The following SCARA5 variants were observed in gnomAD, a reference collection of about 807,000 sequenced individuals.
The protein encoded by SCARA5 is scavenger receptor class A member 5.
Under a neutral mutation model 46.3 loss-of-function variants are expected in SCARA5, and 45 were observed. The observed-to-expected ratio is 0.97, with a 90% confidence interval of 0.76 to 1.24. The LOEUF is 1.24. Ranked by LOEUF, SCARA5 falls within the 50% of genes most tolerant of loss-of-function variation. The probability of loss-of-function intolerance (pLI) is 0.00; values close to 1 mark genes in which losing one functional copy is unlikely to be tolerated. For missense variants in SCARA5, 680 were observed against 689.0 expected (o/e 0.99, Z 0.15); for synonymous variants, 333 against 306.5 (o/e 1.09, Z -0.90).
intron 7 of SCARA5, among the ~76,000 whole-genome samples, chr8:27,897,973 C>T (rs1045950222): frequency 6.6e-6 from 1 of 152,266 alleles, no homozygotes; most frequent in African/African-American, 2.4e-5. Flanking sequence ...CTTCATTTCT[C>T]CTTGCCTAAG....
At chr8:27,898,101 C>T (rs1174109174) in intron 7 of SCARA5, among the ~76,000 whole-genome samples, 1 of 152,246 alleles carries the variant, frequency 6.6e-6, no homozygotes, top group Non-Finnish European at 1.5e-5. Context: ...GTCCCTGACT[C>T]GCAGGCGCCT....
intron 3 of SCARA5, among the ~76,000 whole-genome samples, chr8:27,955,152 A>G (rs114542777): frequency 6.6e-6 from 1 of 152,190 alleles, no homozygotes; most frequent in African/African-American, 2.4e-5. Context: ...CCCTCTAGAG[A>G]TGGGGATCCC....
chr8:27,966,274 A>G lies in SCARA5; in HGVS notation c.241+140T>C, dbSNP rs143696101. The G allele has an allele frequency of 6.6e-4, 567 of 858,720 alleles. 1 individual carries two copies. The highest frequency in any genetic ancestry group is 6.5e-3 in the African/African-American group (378 of 58,386). The allele number at this position is 858,720 out of a possible 1,614,324, so 53.2% of individuals were successfully genotyped here. A position where few individuals can be genotyped will look rare whatever the true frequency, so the allele number is the denominator to read the frequency against. On this transcript the variant is annotated intron_variant, in intron 3 of 8. Coordinates refer to ENST00000354914, the MANE Select transcript of SCARA5 (RefSeq NM_173833.6). Reference sequence around the variant, plus strand: ...CACGCAAAACAAGCAATACTACTGAAGAGCTTCTTCCTTCTTCCTCTATGG... The same window carrying G: ...CACGCAAAACAAGCAATACTACTGAGGAGCTTCTTCCTTCTTCCTCTATGG...
chr8:27,933,933 G>GT (rs1219217879), intron 3 of SCARA5, among the ~76,000 whole-genome samples: 1 of 152,190 alleles, frequency 6.6e-6, no homozygotes, highest in Non-Finnish European at 1.5e-5. Context: ...TAAGAATTGG[G>GT]TATGCATACG....
At chr8:27,880,392 GAAA>G (rs34715999) in intron 7 of SCARA5, among the ~76,000 whole-genome samples, 1 of 138,666 alleles carries the variant, frequency 7.2e-6, no homozygotes, top group Non-Finnish European at 1.6e-5. Flanking sequence ...TTCTGTACAG[GAAA>G]AAAAAAAAAA....
At chr8:27,954,691 C>T (rs918384389) in intron 3 of SCARA5, among the ~76,000 whole-genome samples, 4 of 152,124 alleles carry the variant, frequency 2.6e-5, no homozygotes, top group Non-Finnish European at 4.4e-5. Flanking sequence ...GTACTCATTT[C>T]CTGGAGACAA....
At chr8:27,935,648 T>C (rs1401646558) in intron 3 of SCARA5, among the ~76,000 whole-genome samples, 3 of 152,024 alleles carry the variant, frequency 2.0e-5, no homozygotes, top group Non-Finnish European at 4.4e-5. Context: ...GGGCTCAGGA[T>C]CTCAGCACTG....
Position 27,922,013 on chromosome 8 carries a change from C to T in SCARA5, c.474G>A (p.Ala158=), listed in dbSNP as rs763525437. ...CCGCCTGCTCGGTCTGCACCGCCTG[C>T]GCCTGCAGCCCCCACAGCGCGCCCT... ...RLEGALWGLQ[A]QAVQTEQAVA... Residue 158 remains alanine (A), a synonymous_variant, in exon 4 of 9, where the codon GCG becomes GCA. Transcript: ENST00000354914. The T allele has an allele frequency of 8.3e-6, 13 of 1,567,708 alleles. No homozygotes were observed. The highest frequency in any genetic ancestry group is 9.4e-6 in the Non-Finnish European group (11 of 1,164,280).
At chr8:27,971,484 A>C (rs1421434929) in intron 2 of SCARA5, among the ~76,000 whole-genome samples, 4 of 152,226 alleles carry the variant, frequency 2.6e-5, no homozygotes, top group Admixed American at 6.5e-5. Flanking sequence ...GAAGTACCAG[A>C]CAAAGCTGTT....
At chr8:27,926,488 C>A (rs1585494250) in intron 3 of SCARA5, among the ~76,000 whole-genome samples, 1 of 152,204 alleles carries the variant, frequency 6.6e-6, no homozygotes, top group East Asian at 1.9e-4. Context: ...AGGAGATATA[C>A]CTAATGTAAA....
At chr8:27,899,954 A>G (rs1436494796) in intron 7 of SCARA5, among the ~76,000 whole-genome samples, 1 of 152,142 alleles carries the variant, frequency 6.6e-6, no homozygotes, top group Non-Finnish European at 1.5e-5. Context: ...CTTGGCCAAC[A>G]TGGTAAAAAC....
At chr8:27,909,835 G>T in intron 4 of SCARA5, 92 bp from the exon 5 acceptor site, 2 of 777,516 alleles carry the variant, frequency 2.6e-6, no homozygotes, top group Non-Finnish European at 4.2e-6. Context: ...CCTCTCTGAG[G>T]AGAGGAAGGG....
chr8:27,923,616 G>A (rs988724626), intron 3 of SCARA5, among the ~76,000 whole-genome samples: 1 of 151,984 alleles, frequency 6.6e-6, no homozygotes, highest in African/African-American at 2.4e-5. Flanking sequence ...TGTTGCTGTC[G>A]CCAGGTTGGA....
intron 3 of SCARA5, among the ~76,000 whole-genome samples, chr8:27,949,783 C>T (rs900203303): frequency 6.6e-6 from 1 of 152,248 alleles, no homozygotes; most frequent in Non-Finnish European, 1.5e-5. Context: ...TCCTCCCCTA[C>T]AGCCTGCCCG....
At chr8:27,943,275 C>T (rs912679793) in intron 3 of SCARA5, among the ~76,000 whole-genome samples, 1 of 152,150 alleles carries the variant, frequency 6.6e-6, no homozygotes, top group Non-Finnish European at 1.5e-5. Flanking sequence ...ACTAAAAATA[C>T]AAAAAGCTTG....
intron 1 of SCARA5, among the ~76,000 whole-genome samples, chr8:27,988,016 A>G (rs1808730769): frequency 6.6e-6 from 1 of 152,150 alleles, no homozygotes; most frequent in Admixed American, 6.5e-5. Context: ...GCAGGCTCTG[A>G]GCCCTCAGAA....
chr8:27,916,794 G>A (rs560207845), intron 4 of SCARA5, among the ~76,000 whole-genome samples: 2 of 152,316 alleles, frequency 1.3e-5, no homozygotes, highest in East Asian at 1.9e-4. Context: ...CCCAAGCACT[G>A]TCGAACTGTG....
chr8:27,884,529 A>G (rs1291746822), intron 7 of SCARA5, among the ~76,000 whole-genome samples: 3 of 152,248 alleles, frequency 2.0e-5, no homozygotes, highest in East Asian at 3.8e-4. Context: ...GTGTGGGGTC[A>G]GCAAGTAGGG....
chr8:27,905,089 C>T (rs889745956), intron 6 of SCARA5, among the ~76,000 whole-genome samples: 4 of 151,890 alleles, frequency 2.6e-5, no homozygotes, highest in Non-Finnish European at 5.9e-5. Context: ...TGGAATTTTG[C>T]AGGAAGAAGA....
Sources: allele counts gnomAD v4.1 joint callset (sites outside exome capture counted in the v4.1 genomes callset), GRCh38; gene constraint gnomAD v4.1.1; transcripts MANE v1.5; gene names NCBI Gene and HGNC (gene_info 2026-07-23, HGNC 2026-07-21).